Variants in DNAH6 observed in about 807,000 individuals in gnomAD.
The protein encoded by DNAH6 is axonemal beta dynein heavy chain 6.
Under a neutral mutation model 491.4 loss-of-function variants are expected in DNAH6, and 340 were observed. The ratio of observed to expected loss-of-function variants is 0.69; its 90% CI spans 0.63 to 0.76. The LOEUF (loss-of-function observed/expected upper bound fraction) is 0.76. Among genes scored for constraint, DNAH6 ranks in the 30% least tolerant of loss-of-function variants. The probability of loss-of-function intolerance (pLI) is 0.00; values close to 1 mark genes in which losing one functional copy is unlikely to be tolerated. For synonymous variants in DNAH6, 1,603 were observed against 1,686.1 expected, an observed-to-expected ratio of 0.95 and a Z score of 1.21; for missense variants, 4,443 against 4,972.2, an observed-to-expected ratio of 0.89 and a Z score of 3.20.
intron 29 of DNAH6, among the ~76,000 whole-genome samples, chr2:84,631,868 T>C (rs2104453561): frequency 6.6e-6 from 1 of 152,310 alleles, no homozygotes; most frequent in South Asian, 2.1e-4. Flanking sequence ...TAAAAACTAA[T>C]AGAGCAAAAC....
intron 62 of DNAH6, among the ~76,000 whole-genome samples, chr2:84,739,807 G>A (rs377550518): frequency 2.6e-5 from 4 of 152,068 alleles, no homozygotes; most frequent in African/African-American, 4.8e-5. Flanking sequence ...GCTTCTTTGT[G>A]TGGGATTTCA....
chr2:84,465,558 T>G, the DNAH6 span, among the ~76,000 whole-genome samples: 3 of 151,350 alleles, frequency 2.0e-5, no homozygotes, highest in African/African-American at 7.3e-5. Context: ...ACACAAAGAG[T>G]ATAACAGCAA....
At position 84,595,640 on chromosome 2, in the gene DNAH6, T is replaced by G; in HGVS notation, c.2725-6T>G. 1 of 1,518,514 alleles carries G rather than the reference T, an allele frequency of 6.6e-7. No homozygotes were observed. The allele number at this position is 1,518,514 out of a possible 1,614,324, so 94.1% of individuals were successfully genotyped here. A position where few individuals can be genotyped will look rare whatever the true frequency, so the allele number is the denominator to read the frequency against. ...TTGTTTTGCTTTGTTTTTAAATTTT[T>G]CATAGTCCAAATTTGATTGCCTGGA... On this transcript the variant is annotated splice_region_variant and splice_polypyrimidine_tract_variant and intron_variant, in intron 17 of 76. Coordinates refer to ENST00000389394, the MANE Select transcript of DNAH6 (RefSeq NM_001370.2).
intron 41 of DNAH6, among the ~76,000 whole-genome samples, chr2:84,680,096 T>C (rs1693639923): frequency 6.6e-6 from 1 of 152,214 alleles, no homozygotes; most frequent in Non-Finnish European, 1.5e-5. Flanking sequence ...GTTAAACTCA[T>C]GTTGGGGTCC....
At chr2:84,719,493 G>T (rs1199122529) in intron 59 of DNAH6, among the ~76,000 whole-genome samples, 4 of 150,806 alleles carry the variant, frequency 2.7e-5, no homozygotes, top group African/African-American at 4.9e-5. Context: ...TTGAGTTTTT[G>T]TTTTTTTTGT....
chr2:84,809,447 AG>A (rs1415337477), intron 72 of DNAH6, among the ~76,000 whole-genome samples: 1 of 152,108 alleles, frequency 6.6e-6, no homozygotes, highest in Admixed American at 6.6e-5. Context: ...CTGAGTATGT[AG>A]TCTTCACCTT....
intron 16 of DNAH6, among the ~76,000 whole-genome samples, chr2:84,593,755 T>C (rs149907466): frequency 0.016 from 2,486 of 152,166 alleles, 29 homozygotes; most frequent in Non-Finnish European, 0.024. Flanking sequence ...ATACCAGGAG[T>C]TGTATTTTGT....
intron 59 of DNAH6, among the ~76,000 whole-genome samples, chr2:84,719,108 G>A (rs1697837940): frequency 6.6e-6 from 1 of 152,138 alleles, no homozygotes; most frequent in Non-Finnish European, 1.5e-5. Context: ...TATTAAACCA[G>A]AAACACATAG....
chr2:84,760,320 T>TA (rs35403329), intron 63 of DNAH6, among the ~76,000 whole-genome samples: 38,619 of 152,048 alleles, frequency 0.25, 5,578 homozygotes, highest in African/African-American at 0.42. Context: ...GGGACTTAAT[T>TA]ATCTAAGAAG....
chr2:84,694,192 C>G, intron 45 of DNAH6, 57 bp from the exon 46 acceptor site: 1 of 1,473,486 alleles, frequency 6.8e-7, no homozygotes, highest in Non-Finnish European at 9.3e-7. Flanking sequence ...GGCAGGCTCT[C>G]TGAGCAGGAG....
intron 68 of DNAH6, among the ~76,000 whole-genome samples, chr2:84,790,956 C>G (rs1677673792): frequency 6.6e-6 from 1 of 152,120 alleles, no homozygotes; most frequent in Admixed American, 6.5e-5. Flanking sequence ...CTTTGGGAGG[C>G]CCAGGTGGGC....
intron 3 of DNAH6, among the ~76,000 whole-genome samples, chr2:84,528,408 T>C (rs1286473109): frequency 6.6e-6 from 1 of 152,180 alleles, no homozygotes; most frequent in Non-Finnish European, 1.5e-5. Flanking sequence ...CGCATAGTGA[T>C]TCCCAACACT....
At chr2:84,713,790 A>C (rs1028877400) in intron 57 of DNAH6, among the ~76,000 whole-genome samples, 1 of 152,174 alleles carries the variant, frequency 6.6e-6, no homozygotes, top group African/African-American at 2.4e-5. Flanking sequence ...TGAAAACTCT[A>C]GGAACAAGAC....
At chr2:84,581,000 C>T (rs1257563817) in intron 14 of DNAH6, among the ~76,000 whole-genome samples, 1 of 152,176 alleles carries the variant, frequency 6.6e-6, no homozygotes, top group Non-Finnish European at 1.5e-5. Context: ...TTCTTCTTAC[C>T]ACAGCAGCAA....
At chr2:84,761,192 C>T (rs1347365577) in intron 63 of DNAH6, among the ~76,000 whole-genome samples, 1 of 152,018 alleles carries the variant, frequency 6.6e-6, no homozygotes, top group Non-Finnish European at 1.5e-5. Context: ...CACTGGAGAC[C>T]ACTGTCTTAA....
chr2:84,714,891 A>G (rs930578908), intron 57 of DNAH6, among the ~76,000 whole-genome samples: 3 of 151,202 alleles, frequency 2.0e-5, no homozygotes, highest in Admixed American at 6.6e-5. Flanking sequence ...GTAATTTACC[A>G]TATTACAAAA....
At chr2:84,757,626 G>A (rs1160229794) in intron 63 of DNAH6, among the ~76,000 whole-genome samples, 1 of 152,194 alleles carries the variant, frequency 6.6e-6, no homozygotes, top group Non-Finnish European at 1.5e-5. Flanking sequence ...AACTAAGATA[G>A]GAGTTACTAT....
chr2:84,763,730 G>A (rs1201388170), intron 64 of DNAH6, among the ~76,000 whole-genome samples: 1 of 137,764 alleles, frequency 7.3e-6, no homozygotes, highest in African/African-American at 3.3e-5. Context: ...GTGTGTGTGT[G>A]TGTGTGTGTG....
Position 84,787,300 on chromosome 2 carries a change from C to G in DNAH6, c.11237C>G (p.Thr3746Ser). The G allele has an allele frequency of 6.5e-7, 1 of 1,548,610 alleles. No homozygotes were observed. Among genetic ancestry groups the G allele is most frequent in the South Asian group, 1.2e-5 (1 of 83,364 alleles). ...CCCTGGGATGCACTAATTTACATTA[C>G]TGGTGAGTACGTCCTTGTGGCCAGG... ...KIPWDALIYI[T>S]GEITYGGRVT... Residue 3746 changes from threonine (T) to serine (S), a missense_variant and splice_region_variant, in exon 68 of 77, where the codon ACT (threonine) becomes AGT (serine). By Grantham distance (58) the Thr-to-Ser change is moderately conservative (BLOSUM62 1). Coordinates refer to ENST00000389394, the MANE Select transcript of DNAH6 (RefSeq NM_001370.2).
Sources: allele counts gnomAD v4.1 joint callset (sites outside exome capture counted in the v4.1 genomes callset), GRCh38; gene constraint gnomAD v4.1.1; transcripts MANE v1.5; gene names NCBI Gene and HGNC (gene_info 2026-07-23, HGNC 2026-07-21).